The following VSIG4 variants were observed in gnomAD, a reference collection of about 807,000 sequenced individuals.
The protein encoded by VSIG4 is V-set and immunoglobulin domain-containing protein 4.
VSIG4 carries 34 observed loss-of-function variants against 23.4 expected under a neutral mutation model. That is an observed-to-expected ratio of 1.45 (90% CI 1.10 to 1.93). The LOEUF (loss-of-function observed/expected upper bound fraction) is 1.93. Ranked by LOEUF, VSIG4 falls within the 30% of genes most tolerant of loss-of-function variation. VSIG4 has a pLI of 0.00. For missense variants in VSIG4, 433 were observed against 310.8 expected, an observed-to-expected ratio of 1.39 and a Z score of -2.96; for synonymous variants, 169 against 120.3, an observed-to-expected ratio of 1.41 and a Z score of -2.65.
chrX:66,027,307 C>T (rs2085403050), intron 5 of VSIG4, 142 bp downstream of exon 5: 2 of 521,885 alleles, frequency 3.8e-6, no homozygotes, highest in African/African-American at 4.6e-5. Flanking sequence ...TACCCATCCT[C>T]AGTGCCCTTG....
At chrX:66,033,954 T>C (rs9919094) in intron 1 of VSIG4, 124 bp from the exon 2 acceptor site, 70,758 of 538,266 alleles carry the variant, frequency 0.13, 6,414 homozygotes, top group African/African-American at 0.54. Flanking sequence ...TCTATCACAC[T>C]TTTGTGTACC....
intron 1 of VSIG4, among the ~76,000 whole-genome samples, chrX:66,036,961 T>C (rs867849570): frequency 3.9e-4 from 9 of 23,221 alleles, no homozygotes; most frequent in African/African-American, 8.2e-4. Context: ...TATATTATAT[T>C]ATATAATATA....
rs2085335039 is a variant in VSIG4, at chrX:66,021,856, T to C, written c.*407A>G. The C allele has an allele frequency of 3.4e-6, 1 of 296,013 alleles. No homozygotes were observed. Among genetic ancestry groups the C allele is most frequent in the Admixed American group, 5.0e-5 (1 of 20,178 alleles). 24.4% of individuals were successfully genotyped at this position (296,013 alleles called of 1,213,427 possible). On this transcript the variant is annotated 3_prime_UTR_variant, in exon 8 of 8. Coordinates refer to ENST00000374737, the MANE Select transcript of VSIG4 (RefSeq NM_007268.3). ...ATAACAATTTCAATTAAAAGCTGTC[T>C]GGCCCTGAAGAAAGAGAAATGATCC...
Position 66,021,981 on chromosome X carries a change from A to T in VSIG4, c.*282T>A. ...AATAGTGTCTGTAGGCATGATGACC[A>T]AGTCCTAGTGCTATGGGCATCTTCC... is the stretch of plus-strand genomic sequence containing the variant. On this transcript the variant is annotated 3_prime_UTR_variant, in exon 8 of 8. Coordinates refer to ENST00000374737, the MANE Select transcript of VSIG4 (RefSeq NM_007268.3). 5 of 1,025,356 alleles carry T rather than the reference A, an allele frequency of 4.9e-6. No homozygotes were observed. The highest frequency in any genetic ancestry group is 5.3e-6 in the Non-Finnish European group (4 of 756,377). The allele number at this position is 1,025,356 out of a possible 1,213,427, so 84.5% of individuals were successfully genotyped here. A position where few individuals can be genotyped will look rare whatever the true frequency, so the allele number is the denominator to read the frequency against.
At chrX:66,024,224 C>T (rs2085364375) in intron 6 of VSIG4, among the ~76,000 whole-genome samples, 2 of 112,348 alleles carry the variant, frequency 1.8e-5, no homozygotes, top group Admixed American at 1.9e-4. Flanking sequence ...TTTTTTTCCT[C>T]CTCGGTTGGT....
Position 66,028,037 on chromosome X carries a change from T to A in VSIG4, c.757+13A>T. 1 of 1,207,665 alleles carries A rather than the reference T, an allele frequency of 8.3e-7. No individual in the cohort carries two copies. Among genetic ancestry groups the A allele is most frequent in the Non-Finnish European group, 1.1e-6 (1 of 892,019 alleles). ...GAACCTCTACTACTTCCTCAGACTC[T>A]AGCAAAACTCACCTTTCAAGGGGTA... On this transcript the variant is annotated intron_variant, in intron 4 of 7. Coordinates refer to ENST00000374737, the MANE Select transcript of VSIG4 (RefSeq NM_007268.3).
At chrX:66,032,931 G>T (rs1429055247) in intron 2 of VSIG4, among the ~76,000 whole-genome samples, 182 bp from the exon 3 acceptor site, 1 of 111,784 alleles carries the variant, frequency 8.9e-6, no homozygotes, top group African/African-American at 3.3e-5. Context: ...TTCCTTTGAA[G>T]GTAGGTACTT....
At position 66,027,738 on chromosome X, in the gene VSIG4, G is replaced by A. The variant is rs779054605; in HGVS notation, c.758-212C>T. ...GCAGTGAGAAGAATTCCCATCGAGG[G>A]GAGGTAATGTACCCAAAGTCACACA... On this transcript the variant is annotated intron_variant, in intron 4 of 7. Coordinates refer to ENST00000374737, the MANE Select transcript of VSIG4 (RefSeq NM_007268.3). Among the ~76,000 whole-genome samples the A allele has an allele frequency of 3.6e-5, 4 of 112,087 alleles. No homozygotes were observed. The South Asian group carries it at 1.1e-3, about 31-fold the overall frequency.
chrX:66,023,822 T>C (rs1033995351), intron 6 of VSIG4, among the ~76,000 whole-genome samples: 1 of 112,313 alleles, frequency 8.9e-6, no homozygotes, highest in African/African-American at 3.2e-5. Context: ...TTTTGACCTT[T>C]ATCCCCTGGG....
chrX:66,027,479 C>T lies in VSIG4; in HGVS notation c.805G>A (p.Gly269Ser). 1 of 1,204,953 alleles carries T rather than the reference C, an allele frequency of 8.3e-7. No homozygotes were observed. Among genetic ancestry groups the T allele is most frequent in the South Asian group, 1.8e-5 (1 of 55,527 alleles). ...QSWDWTTDMD[G>S]YLGETSAGPG... ...CCAGCACTGGTCTCTCCAAGGTAGC[C>T]ATCCATGTCAGTGGTCCAGTCCCAG... is the stretch of plus-strand genomic sequence containing the variant. The change falls in exon 5 of 8, where the codon GGC becomes AGC. Residue 269 changes from glycine to serine, a missense_variant. Gly to Ser is a moderately conservative substitution (Grantham distance 56). Coordinates refer to ENST00000374737, the MANE Select transcript of VSIG4 (RefSeq NM_007268.3).
chrX:66,038,453 C>A (rs1347000946), intron 1 of VSIG4, among the ~76,000 whole-genome samples: 1 of 105,055 alleles, frequency 9.5e-6, no homozygotes, highest in African/African-American at 3.7e-5. Context: ...GGGGAAGGAA[C>A]AAGACACATG....
intron 6 of VSIG4, among the ~76,000 whole-genome samples, chrX:66,024,198 G>A (rs1424294141): frequency 3.6e-5 from 4 of 112,176 alleles, no homozygotes; most frequent in Non-Finnish European, 7.5e-5. Flanking sequence ...TTTTCTTTTA[G>A]AAACAAGCAT....
Position 66,039,691 on chromosome X carries a change from C to T in VSIG4, c.55+253G>A, listed in dbSNP as rs1414624628. On this transcript the variant is annotated intron_variant, in intron 1 of 7. Transcript: ENST00000374737. ...TCTTGATGCCCCTGAGATACAAGCC[C>T]TAGAAAATAATGCAGATGTTTTCCA... Among the ~76,000 whole-genome samples, 6 of 111,878 alleles carry T rather than the reference C, an allele frequency of 5.4e-5. No individual in the cohort carries two copies. The East Asian group carries it at 1.4e-3, about 26-fold the overall frequency.
intron 3 of VSIG4, among the ~76,000 whole-genome samples, chrX:66,030,916 C>A (rs755341679): frequency 9.0e-6 from 1 of 110,538 alleles, no homozygotes; most frequent in Non-Finnish European, 1.9e-5. Context: ...AAGAACAGTG[C>A]AGAGTGAGGT....
chrX:66,022,483 G>A lies in VSIG4; in HGVS notation c.980C>T (p.Ala327Val), dbSNP rs755807796. 6 of 1,211,536 alleles carry A rather than the reference G, an allele frequency of 5.0e-6. No individual in the cohort carries two copies. The highest frequency in any genetic ancestry group is 1.1e-6 in the Non-Finnish European group (1 of 895,472). ...YEAARAHARE[A>V]NDSGETMRVA... The stretch of plus-strand genomic sequence containing the variant: ...CCTCATGGTTTCTCCAGAGTCGTTG[G>A]CCTCTCTGGCATGTGCCCTATGGCC... Residue 327 changes from alanine to valine, a missense_variant, in exon 8 of 8, where the codon GCC becomes GTC. Coordinates refer to ENST00000374737, the MANE Select transcript of VSIG4 (RefSeq NM_007268.3).
At chrX:66,025,649 T>C (rs2085381644) in intron 5 of VSIG4, among the ~76,000 whole-genome samples, 1 of 112,092 alleles carries the variant, frequency 8.9e-6, no homozygotes, top group Admixed American at 9.5e-5. Flanking sequence ...TGGCTTCCAG[T>C]CCTAGATCTG....
At chrX:66,024,266 C>G (rs768955651) in intron 6 of VSIG4, among the ~76,000 whole-genome samples, 3 of 112,560 alleles carry the variant, frequency 2.7e-5, no homozygotes, top group Admixed American at 9.4e-5. Context: ...GACAACTGTG[C>G]TGTCATTATG....
intron 6 of VSIG4, 35 bp downstream of exon 6, chrX:66,024,990 T>A (rs1281138956): frequency 9.6e-7 from 1 of 1,047,112 alleles, no homozygotes; most frequent in East Asian, 3.2e-5. Flanking sequence ...AAAGAACAAA[T>A]GAGCCAAAGC....
At chrX:66,033,887 C>T (rs1008236204) in intron 1 of VSIG4, 57 bp from the exon 2 acceptor site, 13 of 978,088 alleles carry the variant, frequency 1.3e-5, no homozygotes, top group Non-Finnish European at 1.8e-5. Context: ...TACTTGGCAA[C>T]TAAGGTGACA....
Sources: gnomAD v4.1 joint callset for allele counts (sites outside exome capture counted in the v4.1 genomes callset) on GRCh38, gnomAD v4.1.1 for gene constraint, MANE v1.5 for transcripts, NCBI Gene and HGNC (gene_info 2026-07-23, HGNC 2026-07-21) for gene names.